Variants in EFCAB14 observed in about 807,000 individuals in gnomAD.
The protein encoded by EFCAB14 is EF-hand calcium binding domain 14, also known as EF-hand calcium-binding domain-containing protein 14.
Under a neutral mutation model 56.5 loss-of-function variants are expected in EFCAB14, and 43 were observed. That is an observed-to-expected ratio of 0.76 (90% CI 0.60 to 0.98). The LOEUF (loss-of-function observed/expected upper bound fraction) is 0.98, where lower values mean the gene tolerates loss of function less well. Ranked by LOEUF, EFCAB14 falls within the 50% of genes least tolerant of loss-of-function variation. EFCAB14 has a pLI of 0.00. For missense variants in EFCAB14, 538 were observed against 580.3 expected, an observed-to-expected ratio of 0.93 and a Z score of 0.75; for synonymous variants, 235 against 212.9, an observed-to-expected ratio of 1.10 and a Z score of -0.90.
chr1:46,715,571 C>A (rs971980606), intron 2 of EFCAB14, among the ~76,000 whole-genome samples: 1 of 152,014 alleles, frequency 6.6e-6, no homozygotes, highest in Non-Finnish European at 1.5e-5. Context: ...CATTCTTTCT[C>A]AAATGGCCCT....
intron 2 of EFCAB14, among the ~76,000 whole-genome samples, chr1:46,708,639 C>T (rs1033833720): frequency 6.6e-6 from 1 of 152,140 alleles, no homozygotes; most frequent in Admixed American, 6.5e-5. Context: ...TACCACCTTT[C>T]GAATGCTGTT....
In EFCAB14 at chr1:46,697,851, TCTC is replaced by T. The variant is rs201419818; in HGVS notation, c.481-1205_481-1203del. The stretch of plus-strand genomic sequence containing the variant: ...CTAAGAATTTTTTCCTTTCTCTCTC[TCTC>T]TTTTTTTTTTTTTTTTTGAGACAGT... On this transcript the variant is annotated intron_variant, in intron 3 of 10. Coordinates refer to ENST00000371933, the MANE Select transcript of EFCAB14 (RefSeq NM_014774.3). Among the ~76,000 whole-genome samples, 3,225 of 123,678 alleles carry T rather than the reference TCTC, an allele frequency of 0.026. 343 individuals are homozygous for T. The East Asian group carries it at 0.41, about 16-fold the overall frequency. The allele number at this position is 123,678 out of a possible 152,430, so 81.1% of individuals were successfully genotyped here.
chr1:46,689,532 G>T, intron 6 of EFCAB14, 55 bp downstream of exon 6: 1 of 1,551,446 alleles, frequency 6.4e-7, no homozygotes, highest in South Asian at 1.1e-5. Context: ...AAACTATTTG[G>T]CTGCCTCTGC....
At chr1:46,680,725 A>T (rs1028315141) in intron 10 of EFCAB14, among the ~76,000 whole-genome samples, 7 of 152,344 alleles carry the variant, frequency 4.6e-5, no homozygotes, top group Middle Eastern at 3.4e-3. Context: ...AAAAAGGTGA[A>T]TGTTATGGTA....
At chr1:46,701,630 G>A (rs1466688129) in intron 3 of EFCAB14, among the ~76,000 whole-genome samples, 6 of 152,196 alleles carry the variant, frequency 3.9e-5, no homozygotes, top group African/African-American at 1.4e-4. Context: ...TTCACCCAAA[G>A]TTAAGAAGCA....
chr1:46,686,917 C>A, intron 7 of EFCAB14, 47 bp from the exon 8 acceptor site: 1 of 1,577,370 alleles, frequency 6.3e-7, no homozygotes. Flanking sequence ...AGATTAAAGG[C>A]AAACATTAAA....
chr1:46,694,971 T>C (rs1419234315), intron 4 of EFCAB14, among the ~76,000 whole-genome samples: 2 of 150,638 alleles, frequency 1.3e-5, no homozygotes, highest in East Asian at 3.9e-4. Flanking sequence ...AGCAAACTAT[T>C]GCAAGGACAA....
At chr1:46,713,181 G>A (rs933753531) in intron 2 of EFCAB14, among the ~76,000 whole-genome samples, 1 of 152,158 alleles carries the variant, frequency 6.6e-6, no homozygotes, top group Admixed American at 6.5e-5. Flanking sequence ...CCTATGGACT[G>A]ACTACACCCC....
In EFCAB14 at chr1:46,713,756, T is replaced by C. The variant is rs17102469; in HGVS notation, c.334+2539A>G. 5.6e-3 allele frequency among the ~76,000 whole-genome samples: 858 copies of C among 152,258 alleles called. 10 individuals carry two copies. Among genetic ancestry groups the C allele is most frequent in the East Asian group, 0.033 (173 of 5,176 alleles). On this transcript the variant is annotated intron_variant, in intron 2 of 10. Transcript: ENST00000371933. ...GCCTAACTAACTACAGGGCTGTAGTTAGGAGACCCAATTAACTACAGAGAG... is the reference window on the plus strand; with the variant it reads ...GCCTAACTAACTACAGGGCTGTAGTCAGGAGACCCAATTAACTACAGAGAG...
chr1:46,687,034 A>G, intron 7 of EFCAB14, 164 bp from the exon 8 acceptor site: 1 of 634,652 alleles, frequency 1.6e-6, no homozygotes. Flanking sequence ...GGAGAGAGGG[A>G]GAAAGGCCAG....
chr1:46,685,626 G>A (rs2148839539), intron 8 of EFCAB14, among the ~76,000 whole-genome samples: 1 of 152,236 alleles, frequency 6.6e-6, no homozygotes, highest in East Asian at 1.9e-4. Context: ...GATACCCTGC[G>A]ATGACAGTTA....
In EFCAB14 at chr1:46,718,325, T is replaced by C. The variant is rs1448159878; in HGVS notation, c.-238A>G. The C allele has an allele frequency of 1.0e-5, 5 of 478,772 alleles. No homozygotes were observed. Among genetic ancestry groups the C allele is most frequent in the Non-Finnish European group, 1.9e-5 (5 of 264,724 alleles). 29.7% of individuals were successfully genotyped at this position (478,772 alleles called of 1,614,324 possible). On this transcript the variant is annotated 5_prime_UTR_variant, in exon 1 of 11. Transcript: ENST00000371933. ...AATCACATAGAAATGGCCAAGGAGC[T>C]GGTGACCCCAAAGGATAAGGCCTTG...
intron 10 of EFCAB14, among the ~76,000 whole-genome samples, 184 bp from the exon 11 acceptor site, chr1:46,678,820 TAAAAAAAAAAA>T (rs10567663): frequency 0.19 from 25,281 of 132,824 alleles, 2,626 homozygotes; most frequent in South Asian, 0.3. Flanking sequence ...AAAAATATAT[TAAAAAAAAAAA>T]AAAAAAAAAG....
intron 1 of EFCAB14, among the ~76,000 whole-genome samples, chr1:46,717,625 C>T (rs1241925876): frequency 2.6e-5 from 4 of 152,202 alleles, no homozygotes; most frequent in African/African-American, 9.7e-5. Flanking sequence ...CCATTCTTTG[C>T]TTCTTTAGGA....
At chr1:46,695,880 A>C (rs575285982) in intron 4 of EFCAB14, among the ~76,000 whole-genome samples, 1 of 152,106 alleles carries the variant, frequency 6.6e-6, no homozygotes, top group African/African-American at 2.4e-5. Flanking sequence ...AGGTCTCCCT[A>C]TGTTGCCCAG....
At chr1:46,703,487 T>C (rs958056835) in intron 3 of EFCAB14, among the ~76,000 whole-genome samples, 2 of 152,204 alleles carry the variant, frequency 1.3e-5, no homozygotes, top group Non-Finnish European at 2.9e-5. Context: ...TCTTATTTAA[T>C]GCATATTGTT....
At chr1:46,703,979 C>T (rs1677198563) in intron 3 of EFCAB14, among the ~76,000 whole-genome samples, 1 of 152,142 alleles carries the variant, frequency 6.6e-6, no homozygotes, top group South Asian at 2.1e-4. Context: ...ATTCAGCTGG[C>T]CAACTCCTAT....
intron 3 of EFCAB14, among the ~76,000 whole-genome samples, chr1:46,701,079 A>G (rs1220538236): frequency 6.6e-6 from 1 of 151,854 alleles, no homozygotes; most frequent in Non-Finnish European, 1.5e-5. Flanking sequence ...TATGTGTTTT[A>G]TAGTTTAAAC....
intron 3 of EFCAB14, among the ~76,000 whole-genome samples, chr1:46,699,131 A>G (rs1677118147): frequency 6.6e-6 from 1 of 152,222 alleles, no homozygotes; most frequent in Non-Finnish European, 1.5e-5. Flanking sequence ...AGAGTACATT[A>G]AAGAAACAAT....
Sources: allele counts gnomAD v4.1 joint callset (sites outside exome capture counted in the v4.1 genomes callset), GRCh38; gene constraint gnomAD v4.1.1; transcripts MANE v1.5; gene names NCBI Gene and HGNC (gene_info 2026-07-23, HGNC 2026-07-21).